The following SLC15A5 variants were observed in gnomAD, a reference collection of about 807,000 sequenced individuals.
SLC15A5 encodes the protein solute carrier family 15 member 5, also known as Peptide/histidine transporter ENSP00000340402.
Under a neutral mutation model 56.1 loss-of-function variants are expected in SLC15A5, and 58 were observed. The observed-to-expected ratio is 1.03, with a 90% CI of 0.84 to 1.29. The LOEUF (loss-of-function observed/expected upper bound fraction) is 1.29. Ranked by LOEUF, SLC15A5 falls within the 50% of genes most tolerant of loss-of-function variation. The pLI is 0.00. For synonymous variants in SLC15A5, 264 were observed against 250.5 expected (o/e 1.05, Z -0.51); for missense variants, 681 against 672.1 (o/e 1.01, Z -0.15).
chr12:16,217,027 G>A lies in SLC15A5; in HGVS notation c.1352-3C>T. ...AAATCTGTATGATATTACAGAGACT[G>A]AGAGAAAAAGAGAGGTCAGAATTTA... On this transcript the variant is annotated splice_region_variant and splice_polypyrimidine_tract_variant and intron_variant, in intron 6 of 8. Transcript: ENST00000344941. 1 of 1,528,102 alleles carries A rather than the reference G, an allele frequency of 6.5e-7. No individual in the cohort carries two copies. The highest frequency in any genetic ancestry group is 8.7e-7 in the Non-Finnish European group (1 of 1,144,290). The allele number at this position is 1,528,102 out of a possible 1,614,324, so 94.7% of individuals were successfully genotyped here. A position where few individuals can be genotyped will look rare whatever the true frequency, so the allele number is the denominator to read the frequency against.
chr12:16,259,903 G>GGGT (rs1018251006), intron 2 of SLC15A5, among the ~76,000 whole-genome samples: 3 of 149,162 alleles, frequency 2.0e-5, no homozygotes, highest in Admixed American at 6.7e-5. Flanking sequence ...CACCCGGGCG[G>GGGT]GGGGTAAGTT....
At chr12:16,274,479 T>C (rs1864796230) in intron 1 of SLC15A5, among the ~76,000 whole-genome samples, 1 of 152,264 alleles carries the variant, frequency 6.6e-6, no homozygotes, top group African/African-American at 2.4e-5. Context: ...GATTATAAAT[T>C]CCTTACAGAT....
chr12:16,259,674 G>T (rs564501954), intron 2 of SLC15A5, among the ~76,000 whole-genome samples: 4 of 152,290 alleles, frequency 2.6e-5, no homozygotes, highest in African/African-American at 9.6e-5. Flanking sequence ...CAGACTTGTT[G>T]CTGTGTGAGT....
intron 2 of SLC15A5, among the ~76,000 whole-genome samples, chr12:16,261,172 G>A (rs1486028853): frequency 6.6e-6 from 1 of 152,038 alleles, no homozygotes; most frequent in African/African-American, 2.4e-5. Flanking sequence ...CGACATTCAA[G>A]ATAACAAACA....
intron 7 of SLC15A5, among the ~76,000 whole-genome samples, chr12:16,197,428 A>T (rs1055776796): frequency 1.3e-5 from 1 of 77,952 alleles, no homozygotes; most frequent in African/African-American, 5.1e-5. Flanking sequence ...GTATAAAAAG[A>T]TATAGAAAGG....
At chr12:16,227,313 A>G (rs768146483) in intron 5 of SLC15A5, among the ~76,000 whole-genome samples, 1 of 152,206 alleles carries the variant, frequency 6.6e-6, no homozygotes, top group Non-Finnish European at 1.5e-5. Context: ...AGATTATTGG[A>G]CACATTACAG....
chr12:16,230,417 T>A (rs1864284412), intron 5 of SLC15A5, among the ~76,000 whole-genome samples: 1 of 152,108 alleles, frequency 6.6e-6, no homozygotes. Flanking sequence ...AGCTCTTTTT[T>A]TTGTCCTAAT....
intron 7 of SLC15A5, among the ~76,000 whole-genome samples, chr12:16,205,593 A>G: frequency 3.1e-5 from 1 of 31,934 alleles, no homozygotes; most frequent in Non-Finnish European, 5.5e-5. Flanking sequence ...ATATATATAC[A>G]TATACACACA....
rs748520919 is a variant in SLC15A5, at chr12:16,196,191, C to T, written c.1484-1738G>A. Among the ~76,000 whole-genome samples, 1 of 151,808 alleles carries T rather than the reference C, an allele frequency of 6.6e-6. No individual in the cohort carries two copies. The highest frequency in any genetic ancestry group is 1.5e-5 in the Non-Finnish European group (1 of 67,956). On this transcript the variant is annotated intron_variant, in intron 7 of 8. Transcript: ENST00000344941. The surrounding 1 kb of genome is among the most constrained non-coding windows in gnomAD (Gnocchi z 4.0). ...ATAGGTATAAATAAGTATTACTATACCTATTTTGTGGTTCCACTTTACCAT... is the reference window on the plus strand; with the variant it reads ...ATAGGTATAAATAAGTATTACTATATCTATTTTGTGGTTCCACTTTACCAT...
chr12:16,227,507 ACAT>A (rs1864253891), intron 5 of SLC15A5, among the ~76,000 whole-genome samples: 1 of 152,164 alleles, frequency 6.6e-6, no homozygotes, highest in South Asian at 2.1e-4. Context: ...GAGGTGAGAG[ACAT>A]CATTTTATGC....
At chr12:16,227,308 A>G (rs1864252078) in intron 5 of SLC15A5, among the ~76,000 whole-genome samples, 1 of 152,244 alleles carries the variant, frequency 6.6e-6, no homozygotes, top group Non-Finnish European at 1.5e-5. Context: ...TATCAAGATT[A>G]TTGGACACAT....
intron 5 of SLC15A5, among the ~76,000 whole-genome samples, chr12:16,236,248 T>C (rs73321920): frequency 0.062 from 9,394 of 152,142 alleles, 489 homozygotes; most frequent in African/African-American, 0.14. Context: ...AAAAAAAATA[T>C]AAAATGAAGT....
chr12:16,265,952 A>G (rs1430177778), intron 2 of SLC15A5, among the ~76,000 whole-genome samples: 1 of 152,226 alleles, frequency 6.6e-6, no homozygotes, highest in Non-Finnish European at 1.5e-5. Context: ...TGGAGATTAA[A>G]TAACAGATTA....
chr12:16,190,246 C>T (rs1863827945), intron 8 of SLC15A5, among the ~76,000 whole-genome samples: 1 of 152,116 alleles, frequency 6.6e-6, no homozygotes, highest in Non-Finnish European at 1.5e-5. Context: ...ACTCTCCATC[C>T]CCAACCTCCA....
intron 1 of SLC15A5, among the ~76,000 whole-genome samples, 176 bp downstream of exon 1, chr12:16,277,149 C>CAG (rs1330203823): frequency 6.6e-6 from 1 of 151,606 alleles, no homozygotes; most frequent in African/African-American, 2.4e-5. Context: ...CACACACACA[C>CAG]AGACTTACTA....
intron 7 of SLC15A5, among the ~76,000 whole-genome samples, chr12:16,214,690 T>C (rs1167566626): frequency 1.3e-5 from 2 of 152,190 alleles, no homozygotes; most frequent in Non-Finnish European, 2.9e-5. Context: ...AGCTCCACTT[T>C]TGGAACCCTC....
intron 6 of SLC15A5, 87 bp downstream of exon 6, chr12:16,224,327 T>C: frequency 7.9e-7 from 1 of 1,271,164 alleles, no homozygotes; most frequent in Non-Finnish European, 1.1e-6. Context: ...ATAGATGACA[T>C]ACCACTTTAA....
intron 1 of SLC15A5, among the ~76,000 whole-genome samples, chr12:16,273,687 G>A (rs1276672469): frequency 6.6e-6 from 1 of 150,480 alleles, no homozygotes; most frequent in Non-Finnish European, 1.5e-5. Flanking sequence ...AAGTAACCCA[G>A]TTGTAATCTC....
chr12:16,227,156 A>G (rs1488281230), intron 5 of SLC15A5, among the ~76,000 whole-genome samples: 1 of 152,170 alleles, frequency 6.6e-6, no homozygotes, highest in Non-Finnish European at 1.5e-5. Flanking sequence ...GGAATTTTTA[A>G]TTTATTACTA....
Sources: gnomAD v4.1 joint callset for allele counts (sites outside exome capture counted in the v4.1 genomes callset) on GRCh38, gnomAD v4.1.1 for gene constraint, Gnocchi (gnomAD v3.1) non-coding constraint, MANE v1.5 for transcripts, NCBI Gene and HGNC (gene_info 2026-07-23, HGNC 2026-07-21) for gene names.